The following ADAM10 variants were observed in gnomAD, a reference collection of about 807,000 sequenced individuals.
The protein encoded by ADAM10 is disintegrin and metalloproteinase domain-containing protein 10.
ADAM10 carries 17 observed loss-of-function variants against 90.1 expected under a neutral mutation model. That is an observed-to-expected ratio of 0.19 (90% CI 0.13 to 0.28). ADAM10 has a LOEUF of 0.28. Ranked by LOEUF, ADAM10 falls within the 10% of genes least tolerant of loss-of-function variation. The probability of loss-of-function intolerance (pLI) is 1.00; values close to 1 mark genes in which losing one functional copy is unlikely to be tolerated. For synonymous variants in ADAM10, 310 were observed against 298.6 expected (o/e 1.04, Z -0.40); for missense variants, 610 against 914.3 (o/e 0.67, Z 4.29).
chr15:58,709,047 T>G (rs1350214288), intron 2 of ADAM10, among the ~76,000 whole-genome samples: 3 of 152,232 alleles, frequency 2.0e-5, no homozygotes, highest in Non-Finnish European at 4.4e-5. Context: ...GTTTCCCTGA[T>G]GCTTAATAAA....
intron 5 of ADAM10, among the ~76,000 whole-genome samples, chr15:58,662,843 T>TA (rs1378784716): frequency 1.3e-5 from 2 of 152,184 alleles, no homozygotes; most frequent in African/African-American, 4.8e-5. Context: ...ATTGCGCCCG[T>TA]AAGTCCAGAC....
intron 7 of ADAM10, among the ~76,000 whole-genome samples, chr15:58,642,856 T>C (rs1896451999): frequency 6.6e-6 from 1 of 152,214 alleles, no homozygotes; most frequent in African/African-American, 2.4e-5. Flanking sequence ...ATTCTTATAC[T>C]GTAAATCAAT....
At chr15:58,643,805 A>C (rs1896476578) in intron 7 of ADAM10, 81 bp downstream of exon 7, 4 of 1,131,282 alleles carry the variant, frequency 3.5e-6, no homozygotes, top group Middle Eastern at 2.2e-4. Context: ...ATAAAATTAA[A>C]AGCAAGCTTT....
At chr15:58,748,822 G>C (rs1444847771) in intron 1 of ADAM10, 4 of 397,706 alleles carry the variant, frequency 1.0e-5, no homozygotes, top group Non-Finnish European at 1.8e-5. Context: ...CCAAACACAG[G>C]ACACAGGAAG....
intron 1 of ADAM10, among the ~76,000 whole-genome samples, chr15:58,726,658 T>C (rs867214401): frequency 1.1e-5 from 1 of 91,106 alleles, no homozygotes; most frequent in African/African-American, 4.4e-5. Context: ...GGAAAACAAA[T>C]AGAAAGATGA....
Position 58,648,256 on chromosome 15 carries a change from T to C in ADAM10, c.586-2052A>G, listed in dbSNP as rs371342377. The stretch of plus-strand genomic sequence containing the variant: ...CAACACTACTGAAACAGTGTAACAT[T>C]TGGGGGAACTGTCCCCAAAGCCTAC... On this transcript the variant is annotated intron_variant, in intron 5 of 15. Transcript: ENST00000260408. Among the ~76,000 whole-genome samples, 112 of 152,304 alleles carry C rather than the reference T, an allele frequency of 7.4e-4. 1 individual carries two copies. Among genetic ancestry groups the C allele is most frequent in the South Asian group, 2.9e-3 (14 of 4,824 alleles).
At chr15:58,703,067 T>G (rs1348844821) in intron 2 of ADAM10, among the ~76,000 whole-genome samples, 1 of 152,146 alleles carries the variant, frequency 6.6e-6, no homozygotes, top group Non-Finnish European at 1.5e-5. Context: ...TTTGCAATAT[T>G]CCTGTTGGAT....
intron 11 of ADAM10, among the ~76,000 whole-genome samples, chr15:58,618,449 G>C (rs1460284901): frequency 6.6e-6 from 1 of 152,166 alleles, no homozygotes; most frequent in Non-Finnish European, 1.5e-5. Context: ...TCAGGACATT[G>C]ATCTGAGCCA....
At chr15:58,741,604 C>CCA (rs1338489426) in intron 1 of ADAM10, among the ~76,000 whole-genome samples, 1 of 152,196 alleles carries the variant, frequency 6.6e-6, no homozygotes, top group African/African-American at 2.4e-5. Context: ...TTTTATAAAA[C>CCA]CACACTCACT....
intron 2 of ADAM10, chr15:58,692,990 C>G (rs765581859): frequency 1.3e-6 from 1 of 775,726 alleles, no homozygotes; most frequent in Admixed American, 1.8e-5. Context: ...ATTTTCAGTT[C>G]TTTACCACCG....
At chr15:58,680,026 A>G (rs1241542694) in intron 3 of ADAM10, among the ~76,000 whole-genome samples, 2 of 152,204 alleles carry the variant, frequency 1.3e-5, no homozygotes, top group Non-Finnish European at 2.9e-5. Context: ...ATTTTGCTAC[A>G]GGTACCACAA....
intron 2 of ADAM10, chr15:58,693,017 C>G (rs1232304502): frequency 1.3e-6 from 1 of 781,048 alleles, no homozygotes; most frequent in Non-Finnish European, 2.3e-6. Context: ...TTGGAAGGGT[C>G]TGTCAGGCTC....
intron 5 of ADAM10, among the ~76,000 whole-genome samples, chr15:58,647,882 A>AC (rs1276074879): frequency 1.3e-5 from 2 of 152,144 alleles, no homozygotes; most frequent in Non-Finnish European, 2.9e-5. Context: ...AAGAATTACC[A>AC]CTGCTATTGA....
Position 58,597,292 on chromosome 15 carries a change from A to G in ADAM10, c.*255T>C. 1 of 1,254,616 alleles carries G rather than the reference A, an allele frequency of 8.0e-7. No homozygotes were observed. The highest frequency in any genetic ancestry group is 1.1e-6 in the Non-Finnish European group (1 of 915,084). 77.7% of individuals were successfully genotyped at this position (1,254,616 alleles called of 1,614,324 possible). ...ACGGGGCACATAATAATATTCTAAG[A>G]CTTTGTGCCATTAAGTTAAAAATAT... On this transcript the variant is annotated 3_prime_UTR_variant, in exon 16 of 16. Transcript: ENST00000260408.
At chr15:58,712,026 A>G (rs1898489774) in intron 2 of ADAM10, among the ~76,000 whole-genome samples, 1 of 152,196 alleles carries the variant, frequency 6.6e-6, no homozygotes, top group South Asian at 2.1e-4. Context: ...GAATCATACT[A>G]AAAGCTATAA....
intron 12 of ADAM10, 56 bp downstream of exon 12, chr15:58,611,752 T>G: frequency 1.3e-6 from 2 of 1,534,732 alleles, no homozygotes; most frequent in Middle Eastern, 1.7e-4. Context: ...TCAATAATTC[T>G]TCTGAAAAAC....
At chr15:58,600,734 C>A (rs1201290813) in intron 14 of ADAM10, among the ~76,000 whole-genome samples, 11 of 152,014 alleles carry the variant, frequency 7.2e-5, no homozygotes, top group African/African-American at 1.4e-4. Flanking sequence ...TTTGCAATTC[C>A]AAATATTCAA....
chr15:58,646,972 T>C (rs1332656983), intron 5 of ADAM10, among the ~76,000 whole-genome samples: 1 of 152,196 alleles, frequency 6.6e-6, no homozygotes, highest in East Asian at 1.9e-4. Flanking sequence ...TCTTTGCACA[T>C]GCTGACACTA....
chr15:58,681,836 T>G (rs1160103768), intron 3 of ADAM10, among the ~76,000 whole-genome samples: 1 of 152,236 alleles, frequency 6.6e-6, no homozygotes, highest in African/African-American at 2.4e-5. Context: ...CTTTACTGTT[T>G]CCTTTTAGAC....
Sources: gnomAD v4.1 joint callset for allele counts (sites outside exome capture counted in the v4.1 genomes callset) on GRCh38, gnomAD v4.1.1 for gene constraint, MANE v1.5 for transcripts, NCBI Gene and HGNC (gene_info 2026-07-23, HGNC 2026-07-21) for gene names.